Variants in TMEM132A observed in about 807,000 individuals in gnomAD.
TMEM132A encodes the protein GRP78-binding protein.
TMEM132A carries 48 observed loss-of-function variants against 69.9 expected under a neutral mutation model. The ratio of observed to expected loss-of-function variants is 0.69; its 90% CI spans 0.55 to 0.87. TMEM132A has a LOEUF of 0.87. Ranked by LOEUF, TMEM132A falls within the 40% of genes least tolerant of loss-of-function variation. The pLI, the probability that TMEM132A is intolerant of heterozygous loss-of-function variation, is 0.00. For missense variants in TMEM132A, 1,287 were observed against 1,407.2 expected (o/e 0.91, Z 1.37); for synonymous variants, 577 against 613.7 (o/e 0.94, Z 0.88).
chr11:60,928,314 GAGA>G (rs1856397100), intron 3 of TMEM132A, among the ~76,000 whole-genome samples: 1 of 152,196 alleles, frequency 6.6e-6, no homozygotes, highest in African/African-American at 2.4e-5. Context: ...TTAGGATTCT[GAGA>G]AGAAGACTGG....
At chr11:60,928,515 G>T (rs917714699) in intron 3 of TMEM132A, 114 bp from the exon 4 acceptor site, 1 of 1,006,782 alleles carries the variant, frequency 9.9e-7, no homozygotes, top group Non-Finnish European at 1.5e-6. Flanking sequence ...GCCCATGCTG[G>T]GCCTCCCTTT....
At chr11:60,924,960 G>A (rs1313121893) in intron 1 of TMEM132A, among the ~76,000 whole-genome samples, 1 of 152,020 alleles carries the variant, frequency 6.6e-6, no homozygotes, top group African/African-American at 2.4e-5. Context: ...TTCCTGACCC[G>A]GGGCAGCCCG....
At position 60,927,806 on chromosome 11, in the gene TMEM132A, C is replaced by T. The variant is rs374191784; in HGVS notation, c.481C>T (p.Arg161Trp). Residue 161 changes from arginine to tryptophan, a missense_variant, in exon 3 of 11, where the codon CGG becomes TGG. Arg to Trp is a moderately radical substitution (Grantham distance 101). Coordinates refer to ENST00000453848, the MANE Select transcript of TMEM132A (RefSeq NM_178031.3). ...PPGSGSLPCA[R>W]LHATHPAGTA... ...AGGGTCTGGCAGCCTGCCCTGTGCC[C>T]GGCTCCATGCCACACACCCTGCCGG... 23 of 1,612,128 alleles carry T rather than the reference C, an allele frequency of 1.4e-5. No homozygotes were observed. The highest frequency in any genetic ancestry group is 2.2e-5 in the East Asian group (1 of 44,888).
chr11:60,927,791 A>G lies in TMEM132A; in HGVS notation c.466A>G (p.Ser156Gly). ...KGQDWPPGSG[S>G]LPCARLHATH... Reference sequence around the variant, plus strand: ...GCAGGATTGGCCACCAGGGTCTGGCAGCCTGCCCTGTGCCCGGCTCCATGC... The same window carrying G: ...GCAGGATTGGCCACCAGGGTCTGGCGGCCTGCCCTGTGCCCGGCTCCATGC... Residue 156 changes from serine (S) to glycine (G), a missense_variant, in exon 3 of 11, where the codon AGC (serine) becomes GGC (glycine). Transcript: ENST00000453848. 1 of 1,612,776 alleles carries G rather than the reference A, an allele frequency of 6.2e-7. No homozygotes were observed. The highest frequency in any genetic ancestry group is 8.5e-7 in the Non-Finnish European group (1 of 1,180,006).
chr11:60,932,628 A>G (rs1856504380), intron 7 of TMEM132A: 1 of 152,552 alleles, frequency 6.6e-6, no homozygotes, highest in South Asian at 2.1e-4. Context: ...TAATTATACA[A>G]TGGTAAAAAT....
chr11:60,928,018 G>T (rs572475620), intron 3 of TMEM132A, among the ~76,000 whole-genome samples, 159 bp downstream of exon 3: 1 of 152,234 alleles, frequency 6.6e-6, no homozygotes, highest in Non-Finnish European at 1.5e-5. Flanking sequence ...CTGTGAAAAG[G>T]TTATTTAGGG....
chr11:60,926,739 G>A (rs925922825), intron 1 of TMEM132A: 2 of 236,390 alleles, frequency 8.5e-6, no homozygotes, highest in African/African-American at 4.6e-5. Context: ...TGGCAATGAT[G>A]GGGGAGGAGG....
intron 7 of TMEM132A, 65 bp downstream of exon 7, chr11:60,932,192 C>G (rs1856496948): frequency 6.8e-7 from 1 of 1,473,958 alleles, no homozygotes; most frequent in African/African-American, 1.4e-5. Flanking sequence ...GCACACACAC[C>G]TTTCCTCCTT....
chr11:60,931,657 C>T lies in TMEM132A; in HGVS notation c.1017-32C>T, dbSNP rs367709715. 54 of 1,580,572 alleles carry T rather than the reference C, an allele frequency of 3.4e-5. No individual in the cohort carries two copies. The African/African-American group carries it at 5.0e-4, about 15-fold the overall frequency. On this transcript the variant is annotated intron_variant, in intron 5 of 10. Coordinates refer to ENST00000453848, the MANE Select transcript of TMEM132A (RefSeq NM_178031.3). ...GAGGCCATGCCTGGCAGCTAGCAAGCATTTGGCTTCTCTGTCTCCTTTGGC... is the reference window on the plus strand; with the variant it reads ...GAGGCCATGCCTGGCAGCTAGCAAGTATTTGGCTTCTCTGTCTCCTTTGGC...
chr11:60,933,940 C>T lies in TMEM132A; in HGVS notation c.1559+196C>T, dbSNP rs1856535787. On this transcript the variant is annotated intron_variant, in intron 8 of 10. Coordinates refer to ENST00000453848, the MANE Select transcript of TMEM132A (RefSeq NM_178031.3). ...TGAAATTGCTGACTTCCGCATCCCT[C>T]TCCTCCTTCCCTGCCTCACTTCTCC... 1.2e-5 allele frequency: 7 copies of T among 591,588 alleles called. No individual in the cohort carries two copies. In the Admixed American group the frequency reaches 1.8e-4, roughly 15 times the overall value. The allele number at this position is 591,588 out of a possible 1,614,324, so 36.6% of individuals were successfully genotyped here. A position where few individuals can be genotyped will look rare whatever the true frequency, so the allele number is the denominator to read the frequency against.
intron 8 of TMEM132A, 111 bp downstream of exon 8, chr11:60,933,855 T>A: frequency 9.9e-7 from 1 of 1,007,076 alleles, no homozygotes; most frequent in Non-Finnish European, 1.4e-6. Flanking sequence ...ACTGCCCTGT[T>A]GCTTGCAGTT....
Position 60,935,809 on chromosome 11 carries a change from C to T in TMEM132A, c.2029-55C>T. On this transcript the variant is annotated intron_variant, in intron 10 of 10. Transcript: ENST00000453848. The surrounding 1 kb of genome is among the most constrained non-coding windows in gnomAD (Gnocchi z 5.0). ...GCCTATCTCTGTGGGAGTGGTTTCT[C>T]TGTGCATGCGTGCGTGCCCTCGCAT... 1 of 1,581,010 alleles carries T rather than the reference C, an allele frequency of 6.3e-7. No individual in the cohort carries two copies. The highest frequency in any genetic ancestry group is 8.6e-7 in the Non-Finnish European group (1 of 1,165,188).
rs1856484530 is a variant in TMEM132A, at chr11:60,931,763, C to G, written c.1091C>G (p.Thr364Ser). ...ENSTGGGVAV[T>S]RPVTWQLEYP... The stretch of plus-strand genomic sequence containing the variant: ...AGCACTGGTGGGGGCGTAGCGGTCA[C>G]TCGCCCCGTCACGTGGCAGCTGGAG... Residue 364 changes from threonine to serine, a missense_variant, in exon 6 of 11, where the codon ACT becomes AGT. Physicochemically the swap from Thr to Ser is moderately conservative, Grantham distance 58. Coordinates refer to ENST00000453848, the MANE Select transcript of TMEM132A (RefSeq NM_178031.3). 6.2e-7 allele frequency: 1 copy of G among 1,614,120 alleles called. No individual in the cohort carries two copies. Among genetic ancestry groups the G allele is most frequent in the Non-Finnish European group, 8.5e-7 (1 of 1,180,048 alleles).
chr11:60,929,768 C>T (rs7938207), intron 4 of TMEM132A, among the ~76,000 whole-genome samples: 9,966 of 152,214 alleles, frequency 0.065, 631 homozygotes, highest in African/African-American at 0.17. Flanking sequence ...TCTGTGTCTC[C>T]CCATCTCCTA....
intron 5 of TMEM132A, 123 bp from the exon 6 acceptor site, chr11:60,931,566 A>G (rs1051486087): frequency 5.7e-5 from 56 of 979,290 alleles, no homozygotes; most frequent in Non-Finnish European, 4.6e-5. Context: ...TAAGTGAGCT[A>G]TGTAACCTCT....
At chr11:60,934,453 C>A in intron 8 of TMEM132A, 35 bp from the exon 9 acceptor site, 1 of 1,352,938 alleles carries the variant, frequency 7.4e-7, no homozygotes, top group Non-Finnish European at 9.5e-7. Flanking sequence ...GGCCGCTCAG[C>A]GCTGACGGCC....
intron 2 of TMEM132A, 107 bp from the exon 3 acceptor site, chr11:60,927,534 G>A: frequency 7.1e-7 from 1 of 1,413,090 alleles, no homozygotes; most frequent in Non-Finnish European, 9.7e-7. Flanking sequence ...TCCAGAGGGG[G>A]AAACTGAGGC....
intron 5 of TMEM132A, 155 bp from the exon 6 acceptor site, chr11:60,931,534 G>T: frequency 1.4e-6 from 1 of 731,684 alleles, no homozygotes; most frequent in South Asian, 1.9e-5. Context: ...TCCCAGCCCC[G>T]CTACTTTTTG....
rs368594602 is a variant in TMEM132A at position 60,936,326 on chromosome 11, G to C, written c.2491G>C (p.Glu831Gln). The C allele has an allele frequency of 9.9e-6, 16 of 1,613,610 alleles. No individual in the cohort carries two copies. The African/African-American group carries it at 2.0e-4, about 20-fold the overall frequency. Residue 831 changes from glutamate (E) to glutamine (Q), a missense_variant, in exon 11 of 11, where the codon GAA becomes CAA. Physicochemically the swap from Glu to Gln is conservative, Grantham distance 29 (BLOSUM62 2). Transcript: ENST00000453848. ...GACCGAAGCCAGGGAGGAGGAGGAG[G>C]AAGAGGAGGAGGAGATGGTCCCTGC... ...EETEAREEEE[E>Q]EEEEMVPAPQ... is the part of the protein sequence containing the mutation.
Sources: allele counts gnomAD v4.1 joint callset (sites outside exome capture counted in the v4.1 genomes callset), GRCh38; gene constraint gnomAD v4.1.1; non-coding constraint Gnocchi (gnomAD v3.1); transcripts MANE v1.5; gene names NCBI Gene and HGNC (gene_info 2026-07-23, HGNC 2026-07-21).